Variants in MEI4 observed in about 807,000 individuals in gnomAD.
MEI4 encodes the protein meiotic double-stranded break formation protein 4, also known as meiosis-specific protein MEI4.
In MEI4, 27 loss-of-function variants were observed where a neutral mutation model predicts 31.4. The ratio of observed to expected loss-of-function variants is 0.86; its 90% confidence interval spans 0.63 to 1.19. The LOEUF is 1.19. Ranked by LOEUF, MEI4 falls within the 50% of genes most tolerant of loss-of-function variation. MEI4 has a pLI of 0.00. For missense variants in MEI4, 329 were observed against 398.9 expected (o/e 0.82, Z 1.49); for synonymous variants, 122 against 145.4 (o/e 0.84, Z 1.16).
At chr6:77,853,529 A>G (rs1213341848) in intron 4 of MEI4, among the ~76,000 whole-genome samples, 1 of 152,210 alleles carries the variant, frequency 6.6e-6, no homozygotes, top group Non-Finnish European at 1.5e-5. Flanking sequence ...AAAGATCACA[A>G]TGTCTGCACT....
intron 4 of MEI4, among the ~76,000 whole-genome samples, chr6:77,863,500 G>T (rs1042285833): frequency 6.6e-6 from 1 of 152,008 alleles, no homozygotes; most frequent in Non-Finnish European, 1.5e-5. Flanking sequence ...AAGATCAAAT[G>T]AATGAAATGA....
At chr6:77,747,965 A>T (rs1176118280) in intron 2 of MEI4, among the ~76,000 whole-genome samples, 1 of 152,230 alleles carries the variant, frequency 6.6e-6, no homozygotes, top group Non-Finnish European at 1.5e-5. Flanking sequence ...TGCAGAATCC[A>T]GTGGGGTAGT....
At chr6:77,840,934 A>G (rs2127714620) in intron 4 of MEI4, among the ~76,000 whole-genome samples, 1 of 152,288 alleles carries the variant, frequency 6.6e-6, no homozygotes, top group Middle Eastern at 3.4e-3. Flanking sequence ...ATCCTTCAGA[A>G]TAATAAACTG....
chr6:77,753,646 G>A (rs1027954514), intron 2 of MEI4, among the ~76,000 whole-genome samples: 2 of 152,220 alleles, frequency 1.3e-5, no homozygotes, highest in African/African-American at 4.8e-5. Flanking sequence ...CTTTTACACT[G>A]TTGGTCGGAG....
intron 2 of MEI4, among the ~76,000 whole-genome samples, chr6:77,695,049 C>T (rs551368141): frequency 1.3e-5 from 2 of 152,312 alleles, no homozygotes; most frequent in East Asian, 3.9e-4. Flanking sequence ...CTTTTGGCTG[C>T]ATAAATGTCT....
intron 4 of MEI4, among the ~76,000 whole-genome samples, chr6:77,913,877 C>CA (rs1244527528): frequency 6.0e-5 from 9 of 151,174 alleles, no homozygotes; most frequent in Admixed American, 1.3e-4. Context: ...ACTAAAAATA[C>CA]AAAAAAATTA....
chr6:77,675,651 T>C (rs1038017717), intron 1 of MEI4, among the ~76,000 whole-genome samples: 2 of 152,086 alleles, frequency 1.3e-5, no homozygotes, highest in African/African-American at 4.8e-5. Flanking sequence ...AATTGCCGTA[T>C]GTATGAATTT....
At chr6:77,662,728 A>C (rs1354113597) in intron 1 of MEI4, among the ~76,000 whole-genome samples, 1 of 152,150 alleles carries the variant, frequency 6.6e-6, no homozygotes, top group Non-Finnish European at 1.5e-5. Flanking sequence ...CTTGTGTAAG[A>C]ATTCTGACCA....
intron 1 of MEI4, among the ~76,000 whole-genome samples, chr6:77,668,498 A>C (rs1218103163): frequency 6.6e-6 from 1 of 152,208 alleles, no homozygotes; most frequent in African/African-American, 2.4e-5. Context: ...TATTCAGTAT[A>C]TTCAGTATAG....
intron 3 of MEI4, among the ~76,000 whole-genome samples, chr6:77,766,613 C>T (rs6910402): frequency 0.022 from 3,411 of 152,108 alleles, 130 homozygotes; most frequent in African/African-American, 0.079. Context: ...ATGGTTTCAC[C>T]GTGTTAGCCA....
At chr6:77,779,020 A>G (rs1193396729) in intron 3 of MEI4, among the ~76,000 whole-genome samples, 2 of 152,164 alleles carry the variant, frequency 1.3e-5, no homozygotes, top group Non-Finnish European at 2.9e-5. Flanking sequence ...TGGAGCTTAA[A>G]GGAAAGTACT....
chr6:77,858,646 G>A (rs376627621), intron 4 of MEI4, among the ~76,000 whole-genome samples: 2 of 152,020 alleles, frequency 1.3e-5, no homozygotes, highest in African/African-American at 4.8e-5. Flanking sequence ...TTAGGAAGGC[G>A]TGTTTACTGA....
At chr6:77,729,877 T>C in intron 2 of MEI4, among the ~76,000 whole-genome samples, 1 of 152,234 alleles carries the variant, frequency 6.6e-6, no homozygotes, top group South Asian at 2.1e-4. Context: ...TGATTTTCAA[T>C]AAAGAAAGTG....
intron 3 of MEI4, among the ~76,000 whole-genome samples, chr6:77,781,073 T>G (rs1031393516): frequency 1.3e-5 from 2 of 151,932 alleles, no homozygotes; most frequent in Non-Finnish European, 2.9e-5. Context: ...CATTTTTTTG[T>G]TTTTTATAGA....
In MEI4 at chr6:77,807,567, A is replaced by T. The variant is rs368389900; in HGVS notation, c.769-21364A>T. Among the ~76,000 whole-genome samples the T allele has an allele frequency of 3.3e-5, 5 of 152,312 alleles. No individual in the cohort carries two copies. In the East Asian group the frequency reaches 9.6e-4, roughly 29 times the overall value. On this transcript the variant is annotated intron_variant, in intron 3 of 4. Coordinates refer to ENST00000684080, the MANE Select transcript of MEI4 (RefSeq NM_001322247.2). Reference sequence around the variant, plus strand: ...AATATTTCAAGTAAAACCAAGGACTAGTCTAAGGGTGATCAATACTGCTAA... The same window carrying T: ...AATATTTCAAGTAAAACCAAGGACTTGTCTAAGGGTGATCAATACTGCTAA...
chr6:77,744,645 G>T (rs4708366), intron 2 of MEI4, among the ~76,000 whole-genome samples: 18,521 of 152,132 alleles, frequency 0.12, 1,426 homozygotes, highest in East Asian at 0.26. Flanking sequence ...CTGGAGAAGA[G>T]CAACTCCAAG....
chr6:77,841,885 A>C (rs553297485), intron 4 of MEI4, among the ~76,000 whole-genome samples: 1 of 152,288 alleles, frequency 6.6e-6, no homozygotes, highest in East Asian at 1.9e-4. Context: ...TTCACCAAGA[A>C]AATATAATGA....
chr6:77,672,347 C>T (rs1486696695), intron 1 of MEI4, among the ~76,000 whole-genome samples: 1 of 152,140 alleles, frequency 6.6e-6, no homozygotes, highest in East Asian at 1.9e-4. Flanking sequence ...CATGCTTGCT[C>T]AGAGTACCTG....
At chr6:77,795,884 G>A (rs770241105) in intron 3 of MEI4, among the ~76,000 whole-genome samples, 46 of 152,120 alleles carry the variant, frequency 3.0e-4, no homozygotes, top group Middle Eastern at 3.5e-3. Context: ...GAAGAGAAGT[G>A]AACACTTCGA....
Sources: gnomAD v4.1 joint callset for allele counts (sites outside exome capture counted in the v4.1 genomes callset) on GRCh38, gnomAD v4.1.1 for gene constraint, MANE v1.5 for transcripts, NCBI Gene and HGNC (gene_info 2026-07-23, HGNC 2026-07-21) for gene names.